Variants in DAB2IP observed in about 807,000 individuals in gnomAD.
DAB2IP encodes the protein DAB2 interacting protein, also known as disabled homolog 2-interacting protein.
DAB2IP carries 28 observed loss-of-function variants against 107.2 expected under a neutral mutation model. The observed-to-expected ratio is 0.26, with a 90% CI of 0.19 to 0.36. DAB2IP has a LOEUF of 0.36. Ranked by LOEUF, DAB2IP falls within the 10% of genes least tolerant of loss-of-function variation. The pLI is 1.00. For missense variants in DAB2IP, 1,400 were observed against 1,644.7 expected (o/e 0.85, Z 2.57); for synonymous variants, 755 against 706.4 (o/e 1.07, Z -1.09).
At chr9:121,567,253 G>A (rs547556932) in intron 1 of DAB2IP, 2 of 1,613,974 alleles carry the variant, frequency 1.2e-6, no homozygotes, top group Admixed American at 3.3e-5. Context: ...GCAAAGTGCA[G>A]AGTTGGGGGT....
chr9:121,606,774 TTG>T (rs1294651186), intron 1 of DAB2IP, among the ~76,000 whole-genome samples: 3 of 151,862 alleles, frequency 2.0e-5, no homozygotes, highest in Non-Finnish European at 4.4e-5. Flanking sequence ...TCTTTGTTTT[TTG>T]TTTTTTTTTT....
chr9:121,774,281 A>G (rs1452512577), exon 13 of DAB2IP: 2 of 1,611,546 alleles, frequency 1.2e-6, no homozygotes, highest in Non-Finnish European at 1.7e-6. Context: ...TGTGAGCCCC[A>G]ATGCCCTGGA....
intron 3 of DAB2IP, among the ~76,000 whole-genome samples, chr9:121,716,777 A>C (rs763173746): frequency 3.9e-5 from 6 of 152,118 alleles, no homozygotes; most frequent in Non-Finnish European, 8.8e-5. Flanking sequence ...TTGGCCAAAG[A>C]CCAAGATGGG....
intron 2 of DAB2IP, among the ~76,000 whole-genome samples, chr9:121,688,652 T>C (rs891749783): frequency 1.3e-5 from 2 of 152,208 alleles, no homozygotes; most frequent in Non-Finnish European, 2.9e-5. Flanking sequence ...GATCCATCAC[T>C]TCTGTCTCTC....
At chr9:121,679,890 C>T (rs1210696247) in intron 2 of DAB2IP, among the ~76,000 whole-genome samples, 1 of 152,078 alleles carries the variant, frequency 6.6e-6, no homozygotes, top group Non-Finnish European at 1.5e-5. Flanking sequence ...GGAGGGAGAA[C>T]AGCAGTTGCA....
Position 121,612,155 on chromosome 9 carries a change from C to CA in DAB2IP, c.40+44940dup, listed in dbSNP as rs532696495. Among the ~76,000 whole-genome samples the CA allele has an allele frequency of 4.7e-3, 637 of 134,650 alleles. 2 individuals are homozygous for CA. The highest frequency in any genetic ancestry group is 8.0e-3 in the African/African-American group (293 of 36,560). 88.3% of individuals were successfully genotyped at this position (134,650 alleles called of 152,430 possible). A position where few individuals can be genotyped will look rare whatever the true frequency, so the allele number is the denominator to read the frequency against. On this transcript the variant is annotated intron_variant, in intron 1 of 16. Transcript: ENST00000259371. ...GAAACATAGCAAAACCCTGTCTCTACAAAAAAAAAAAAATTACCTGGGGCT... is the reference window on the plus strand; with the variant it reads ...GAAACATAGCAAAACCCTGTCTCTACAAAAAAAAAAAAAATTACCTGGGGCT...
intron 1 of DAB2IP, among the ~76,000 whole-genome samples, chr9:121,600,899 C>G (rs1285041759): frequency 6.6e-6 from 1 of 152,178 alleles, no homozygotes; most frequent in Non-Finnish European, 1.5e-5. Context: ...TCTTAAGCAG[C>G]CGATCTATAC....
intron 1 of DAB2IP, among the ~76,000 whole-genome samples, chr9:121,573,620 T>C (rs1829998939): frequency 6.6e-6 from 1 of 152,058 alleles, no homozygotes; most frequent in South Asian, 2.1e-4. Flanking sequence ...TGACCTCAGG[T>C]AATCTGCCCA....
chr9:121,727,329 T>C (rs1479796182), intron 3 of DAB2IP, among the ~76,000 whole-genome samples: 1 of 152,240 alleles, frequency 6.6e-6, no homozygotes, highest in East Asian at 1.9e-4. Flanking sequence ...TTAGTTTCCC[T>C]CTCTGTCAAA....
intron 1 of DAB2IP, among the ~76,000 whole-genome samples, chr9:121,580,860 C>T (rs1377909010): frequency 2.0e-5 from 3 of 152,144 alleles, no homozygotes; most frequent in Admixed American, 6.5e-5. Flanking sequence ...CTCCTGACCT[C>T]GTGATCCACC....
intron 3 of DAB2IP, among the ~76,000 whole-genome samples, chr9:121,719,728 G>C (rs1340867593): frequency 6.6e-6 from 1 of 152,216 alleles, no homozygotes; most frequent in Non-Finnish European, 1.5e-5. Context: ...TGAGAGGTGT[G>C]CTTGTTTTAG....
rs573188873 is a variant in DAB2IP at position 121,782,701 on chromosome 9, G to A, written c.*203G>A. The A allele has an allele frequency of 1.8e-5, 26 of 1,417,018 alleles. No individual in the cohort carries two copies. The East Asian group carries it at 4.6e-4, about 25-fold the overall frequency. 87.8% of individuals were successfully genotyped at this position (1,417,018 alleles called of 1,614,324 possible). A position where few individuals can be genotyped will look rare whatever the true frequency, so the allele number is the denominator to read the frequency against. On this transcript the variant is annotated 3_prime_UTR_variant, in exon 16 of 16. Transcript: ENST00000408936. This position sits in a 1 kb window ranked among gnomAD's most constrained non-coding sequence, Gnocchi z 6.1. ...GCAGCGTGAGGCGAGGTCACCAGCC[G>A]CTCCCTGTGGGGTGCGGGCAGAAGA...
chr9:121,630,732 C>T (rs983118979), intron 1 of DAB2IP, among the ~76,000 whole-genome samples: 10 of 151,786 alleles, frequency 6.6e-5, no homozygotes, highest in East Asian at 5.9e-4. Context: ...CTCAGCCTCC[C>T]GAGTCGCTGG....
At chr9:121,624,626 AC>A (rs1831577788) in intron 1 of DAB2IP, among the ~76,000 whole-genome samples, 1 of 152,254 alleles carries the variant, frequency 6.6e-6, no homozygotes, top group Non-Finnish European at 1.5e-5. Flanking sequence ...AGTATTCAGT[AC>A]AGTAACATGC....
intron 1 of DAB2IP, among the ~76,000 whole-genome samples, chr9:121,641,846 CTTTT>C (rs1174321869): frequency 2.0e-5 from 3 of 147,824 alleles, no homozygotes; most frequent in Non-Finnish European, 4.5e-5. Flanking sequence ...TTCTTTCTTT[CTTTT>C]TCTTTCTTTC....
intron 9 of DAB2IP, 69 bp downstream of exon 9, chr9:121,766,799 G>GT: frequency 6.7e-7 from 1 of 1,498,942 alleles, no homozygotes; most frequent in Non-Finnish European, 9.2e-7. Flanking sequence ...CCCTGGGGGT[G>GT]TTTCTGCCCC....
intron 3 of DAB2IP, chr9:121,751,072 T>C (rs1833079311): frequency 4.8e-6 from 1 of 207,152 alleles, no homozygotes; most frequent in African/African-American, 2.4e-5. Context: ...TAGCTGGCTG[T>C]GGACCTTTCC....
intron 3 of DAB2IP, among the ~76,000 whole-genome samples, chr9:121,723,959 C>T (rs1831085058): frequency 6.6e-6 from 1 of 152,164 alleles, no homozygotes; most frequent in African/African-American, 2.4e-5. Flanking sequence ...TGAGAGTCTG[C>T]CTGACAGTCT....
intron 1 of DAB2IP, among the ~76,000 whole-genome samples, chr9:121,572,273 A>G (rs645650): frequency 0.31 from 46,622 of 152,004 alleles, 7,923 homozygotes; most frequent in African/African-American, 0.41. Context: ...TCTGCTCACC[A>G]GCCTGACTCC....
Sources: gnomAD v4.1 joint callset for allele counts (sites outside exome capture counted in the v4.1 genomes callset) on GRCh38, gnomAD v4.1.1 for gene constraint, Gnocchi (gnomAD v3.1) non-coding constraint, MANE v1.5 for transcripts, NCBI Gene and HGNC (gene_info 2026-07-23, HGNC 2026-07-21) for gene names.